The following HS3ST2 variants were observed in gnomAD, a reference collection of about 807,000 sequenced individuals.
HS3ST2 encodes heparan sulfate-glucosamine 3-sulfotransferase 2, also known as heparan sulfate glucosamine 3-O-sulfotransferase 2.
Under a neutral mutation model 26.3 loss-of-function variants are expected in HS3ST2, and 17 were observed. The ratio of observed to expected loss-of-function variants is 0.65; its 90% CI spans 0.44 to 0.97. The LOEUF (loss-of-function observed/expected upper bound fraction) is 0.97. Ranked by LOEUF, HS3ST2 falls within the 50% of genes least tolerant of loss-of-function variation. The pLI is 0.00. For synonymous variants in HS3ST2, 237 were observed against 219.2 expected (o/e 1.08, Z -0.72); for missense variants, 402 against 501.2 (o/e 0.80, Z 1.89).
At chr16:22,906,339 C>T (rs567565841) in intron 1 of HS3ST2, among the ~76,000 whole-genome samples, 191 of 130,082 alleles carry the variant, frequency 1.5e-3, no homozygotes, top group Non-Finnish European at 2.7e-3. Flanking sequence ...CCACTGCACT[C>T]CAGCCTGGCG....
At chr16:22,815,127 G>A (rs538133971) in intron 1 of HS3ST2, 32 bp downstream of exon 1, 1 of 1,603,890 alleles carries the variant, frequency 6.2e-7, no homozygotes, top group Non-Finnish European at 8.5e-7. Context: ...CCGTGCGCCG[G>A]GTCTCTGATC....
chr16:22,915,217 C>A lies in HS3ST2; in HGVS notation c.759C>A (p.Tyr253Ter). The change falls in exon 2 of 2, where the codon TAC becomes TAA. Residue 253 changes from tyrosine to a stop codon, truncating the protein, a stop_gained. Coordinates refer to ENST00000261374, the MANE Select transcript of HS3ST2 (RefSeq NM_006043.2). LOFTEE classifies it high-confidence loss of function. Reference protein sequence around the residue: ...VSWNAIRIGMYVLHLESWLQY... With the variant: ...VSWNAIRIGM ...GGAACGCCATCCGCATCGGCATGTA[C>A]GTGCTGCACCTGGAGAGCTGGCTGC... The A allele has an allele frequency of 6.2e-7, 1 of 1,614,128 alleles. No individual in the cohort carries two copies. Among genetic ancestry groups the A allele is most frequent in the Non-Finnish European group, 8.5e-7 (1 of 1,180,030 alleles).
chr16:22,817,236 C>T (rs1021861545), intron 1 of HS3ST2, among the ~76,000 whole-genome samples: 1 of 152,104 alleles, frequency 6.6e-6, no homozygotes, highest in African/African-American at 2.4e-5. Flanking sequence ...CCTCTACCAC[C>T]TTTCCCCACT....
intron 1 of HS3ST2, among the ~76,000 whole-genome samples, chr16:22,825,927 G>A (rs566285452): frequency 6.6e-6 from 1 of 152,272 alleles, no homozygotes; most frequent in South Asian, 2.1e-4. Context: ...GGAGGCTGAG[G>A]AAGGAGAATC....
rs533099551 is a variant in HS3ST2 at position 22,837,990 on chromosome 16, CA to C, written c.485+22899del. Among the ~76,000 whole-genome samples, 212 of 150,064 alleles carry C rather than the reference CA, an allele frequency of 1.4e-3. 2 individuals carry two copies. Among genetic ancestry groups the C allele is most frequent in the African/African-American group, 5.0e-3 (202 of 40,702 alleles). On this transcript the variant is annotated intron_variant, in intron 1 of 1. Coordinates refer to ENST00000261374, the MANE Select transcript of HS3ST2 (RefSeq NM_006043.2). ...ACTGGTTTTCCACTTATGTGCCTAA[CA>C]AAATTGTAGGTAAAAAATTGTTCTA...
intron 1 of HS3ST2, among the ~76,000 whole-genome samples, chr16:22,848,462 A>T (rs1198185160): frequency 2.6e-5 from 4 of 152,212 alleles, no homozygotes; most frequent in Non-Finnish European, 5.9e-5. Context: ...GATGTTCACC[A>T]GAGACTGGAG....
At chr16:22,819,333 C>G (rs921490195) in intron 1 of HS3ST2, among the ~76,000 whole-genome samples, 3 of 152,010 alleles carry the variant, frequency 2.0e-5, no homozygotes, top group African/African-American at 4.8e-5. Context: ...GTAAGACTAT[C>G]TACATGAAAA....
At chr16:22,831,345 G>A (rs1204084861) in intron 1 of HS3ST2, among the ~76,000 whole-genome samples, 1 of 152,106 alleles carries the variant, frequency 6.6e-6, no homozygotes, top group Non-Finnish European at 1.5e-5. Context: ...TCTATCAATA[G>A]CCTGGGAGGG....
chr16:22,853,709 T>C (rs998270466), intron 1 of HS3ST2, among the ~76,000 whole-genome samples: 7 of 152,248 alleles, frequency 4.6e-5, no homozygotes, highest in Admixed American at 2.6e-4. Context: ...GGAGAGAGCA[T>C]TGTGGGACAG....
At chr16:22,889,086 GAGGT>G (rs1902100105) in intron 1 of HS3ST2, among the ~76,000 whole-genome samples, 1 of 152,168 alleles carries the variant, frequency 6.6e-6, no homozygotes, top group South Asian at 2.1e-4. Flanking sequence ...CGTGACAGTC[GAGGT>G]CGGCCCATCT....
chr16:22,881,131 A>G (rs1901984703), intron 1 of HS3ST2, among the ~76,000 whole-genome samples: 1 of 152,214 alleles, frequency 6.6e-6, no homozygotes, highest in Admixed American at 6.5e-5. Flanking sequence ...CTGGGAAAGA[A>G]CTTCCCTCGT....
At chr16:22,874,701 G>A (rs575172633) in intron 1 of HS3ST2, among the ~76,000 whole-genome samples, 1 of 152,306 alleles carries the variant, frequency 6.6e-6, no homozygotes, top group African/African-American at 2.4e-5. Flanking sequence ...ACAGTACTGG[G>A]ACCTGGCATA....
At chr16:22,910,316 T>C (rs1488962224) in intron 1 of HS3ST2, among the ~76,000 whole-genome samples, 2 of 152,214 alleles carry the variant, frequency 1.3e-5, no homozygotes, top group Admixed American at 6.5e-5. Context: ...GTCAAGTCAA[T>C]TTCCTTGTGC....
chr16:22,819,526 G>A (rs769266027), intron 1 of HS3ST2, among the ~76,000 whole-genome samples: 17 of 152,130 alleles, frequency 1.1e-4, no homozygotes, highest in Non-Finnish European at 2.4e-4. Context: ...CTGGTGTTTC[G>A]GTATGGCAGG....
chr16:22,906,696 A>G (rs1567501534), intron 1 of HS3ST2, among the ~76,000 whole-genome samples: 1 of 152,240 alleles, frequency 6.6e-6, no homozygotes, highest in Non-Finnish European at 1.5e-5. Flanking sequence ...TGTGGGCACA[A>G]TGAAATCTTG....
chr16:22,814,555 C>A lies in HS3ST2; in HGVS notation c.-56C>A. On this transcript the variant is annotated 5_prime_UTR_variant, in exon 1 of 2. Coordinates refer to ENST00000261374, the MANE Select transcript of HS3ST2 (RefSeq NM_006043.2). ...CTAGGCGACCGCAGGGCCACAGCAG[C>A]TCAGCCGCCGGTGCCCCCTCGGAAA... The A allele has an allele frequency of 6.9e-7, 1 of 1,452,970 alleles. No individual in the cohort carries two copies. The allele number at this position is 1,452,970 out of a possible 1,614,324, so 90.0% of individuals were successfully genotyped here.
intron 1 of HS3ST2, among the ~76,000 whole-genome samples, chr16:22,906,244 A>T (rs184910634): frequency 6.6e-6 from 1 of 152,166 alleles, no homozygotes; most frequent in East Asian, 1.9e-4. Context: ...GGTGATGCAC[A>T]TCTGTAATCC....
intron 1 of HS3ST2, among the ~76,000 whole-genome samples, chr16:22,860,120 T>C (rs1412048995): frequency 6.6e-6 from 1 of 152,166 alleles, no homozygotes; most frequent in Non-Finnish European, 1.5e-5. Flanking sequence ...TAGTCTGTTA[T>C]TGTGCTGCTA....
At chr16:22,874,354 AG>A (rs1901881684) in intron 1 of HS3ST2, among the ~76,000 whole-genome samples, 1 of 152,240 alleles carries the variant, frequency 6.6e-6, no homozygotes, top group South Asian at 2.1e-4. Context: ...TAAGTTCAGA[AG>A]GTGAGATTTC....
Sources: gnomAD v4.1 joint callset for allele counts (sites outside exome capture counted in the v4.1 genomes callset) on GRCh38, gnomAD v4.1.1 for gene constraint, MANE v1.5 for transcripts, NCBI Gene and HGNC (gene_info 2026-07-23, HGNC 2026-07-21) for gene names.